TMEM145: variants seen among roughly 807,000 people sequenced by gnomAD.
The protein encoded by TMEM145 is transmembrane protein 145.
A neutral mutation model predicts 68.5 loss-of-function variants in TMEM145; 46 were observed. That is an observed-to-expected ratio of 0.67 (90% CI 0.53 to 0.86). The LOEUF (loss-of-function observed/expected upper bound fraction) is 0.86. TMEM145 is among the 40% of genes least tolerant of loss of function. TMEM145 has a pLI of 0.00. For missense variants in TMEM145, 570 were observed against 645.8 expected (o/e 0.88, Z 1.27); for synonymous variants, 255 against 280.2 (o/e 0.91, Z 0.90).
In TMEM145 at chr19:42,313,544, G is replaced by T; in HGVS notation, c.120+48G>T. The T allele has an allele frequency of 8.1e-7, 1 of 1,240,604 alleles. No individual in the cohort carries two copies. Among genetic ancestry groups the T allele is most frequent in the Non-Finnish European group, 1.0e-6 (1 of 983,574 alleles). 76.8% of individuals were successfully genotyped at this position (1,240,604 alleles called of 1,614,324 possible). On this transcript the variant is annotated intron_variant, in intron 1 of 14. Coordinates refer to ENST00000301204, the MANE Select transcript of TMEM145 (RefSeq NM_173633.3). This position sits in a 1 kb window ranked among gnomAD's most constrained non-coding sequence, Gnocchi z 5.1. ...TGCGGCCCGCCGGCCCCCGGGGGAC[G>T]CAAGGGAGGCGAGGGGAGCGGGTAC...
Position 42,315,086 on chromosome 19 carries a change from G to A in TMEM145, c.505+9G>A. 4 of 1,614,176 alleles carry A rather than the reference G, an allele frequency of 2.5e-6. No homozygotes were observed. The highest frequency in any genetic ancestry group is 2.2e-5 in the South Asian group (2 of 91,078). ...CTCCGCTGATGAGTTTGGTGAGCAC[G>A]TGGGGACCTAGAAACCAGGCTCTCT... is the stretch of plus-strand genomic sequence containing the variant. On this transcript the variant is annotated intron_variant, in intron 6 of 14. Transcript: ENST00000301204.
At chr19:42,321,026 C>T (rs2038906224) in intron 13 of TMEM145, 1 of 399,042 alleles carries the variant, frequency 2.5e-6, no homozygotes, top group Non-Finnish European at 4.4e-6. Context: ...CATTTCCATT[C>T]CTGACCCTGT....
At chr19:42,318,111 T>C (rs1449997087) in intron 12 of TMEM145, among the ~76,000 whole-genome samples, 2 of 152,188 alleles carry the variant, frequency 1.3e-5, no homozygotes, top group Non-Finnish European at 2.9e-5. Context: ...CTCACGCCTG[T>C]AATCCCAGCC....
Position 42,316,959 on chromosome 19 carries a change from C to A in TMEM145, c.896C>A (p.Ala299Glu). The A allele has an allele frequency of 6.2e-7, 1 of 1,613,232 alleles. No individual in the cohort carries two copies. Among genetic ancestry groups the A allele is most frequent in the South Asian group, 1.1e-5 (1 of 91,046 alleles). ...CATGTGGTGCTGCTCATCTACGAGG[C>A]GGAAGTGAGTCCGACTGGCCCCTGG... ...LTHVVLLIYEAEFFDPGQVLY... is the reference protein window; with the variant it reads ...LTHVVLLIYEEEFFDPGQVLY... Residue 299 changes from alanine (A) to glutamate (E), a missense_variant, in exon 11 of 15, where the codon GCG becomes GAG. Ala to Glu is a moderately radical substitution (Grantham distance 107). Transcript: ENST00000301204.
chr19:42,316,419 A>G, intron 8 of TMEM145, 62 bp from the exon 9 acceptor site: 1 of 1,499,438 alleles, frequency 6.7e-7, no homozygotes, highest in African/African-American at 1.4e-5. Flanking sequence ...TGGTAGTGCT[A>G]GAGAACAGTG....
At position 42,313,617 on chromosome 19, in the gene TMEM145, G is replaced by C; in HGVS notation, c.120+121G>C. The C allele has an allele frequency of 1.3e-6, 1 of 782,914 alleles. No homozygotes were observed. Among genetic ancestry groups the C allele is most frequent in the Non-Finnish European group, 1.7e-6 (1 of 575,598 alleles). The allele number at this position is 782,914 out of a possible 1,614,324, so 48.5% of individuals were successfully genotyped here. On this transcript the variant is annotated intron_variant, in intron 1 of 14. Coordinates refer to ENST00000301204, the MANE Select transcript of TMEM145 (RefSeq NM_173633.3). This position sits in a 1 kb window ranked among gnomAD's most constrained non-coding sequence, Gnocchi z 5.1. ...CCTGGCGGACTCCGGGAGCCTCGGGGGAGTGGGGCCGAGGGCGATGGGGGA... is the reference window on the plus strand; with the variant it reads ...CCTGGCGGACTCCGGGAGCCTCGGGCGAGTGGGGCCGAGGGCGATGGGGGA...
rs2038821212 is a variant in TMEM145 at position 42,313,371 on chromosome 19, G to A, written c.-6G>A. Reference sequence around the variant, plus strand: ...CCGGAGCGGAGCCGGGGCCGGAGCGGGCGGAATGGAGCCCCTGCGCGCGCC... The same window carrying A: ...CCGGAGCGGAGCCGGGGCCGGAGCGAGCGGAATGGAGCCCCTGCGCGCGCC... On this transcript the variant is annotated 5_prime_UTR_variant, in exon 1 of 15. Transcript: ENST00000301204. The surrounding 1 kb of genome is among the most constrained non-coding windows in gnomAD (Gnocchi z 5.1). 1 of 1,147,326 alleles carries A rather than the reference G, an allele frequency of 8.7e-7. No individual in the cohort carries two copies. Among genetic ancestry groups the A allele is most frequent in the Non-Finnish European group, 1.1e-6 (1 of 888,558 alleles). 71.1% of individuals were successfully genotyped at this position (1,147,326 alleles called of 1,614,324 possible).
In TMEM145 at chr19:42,315,438, A is replaced by C; in HGVS notation, c.644A>C (p.Glu215Ala). 1.2e-6 allele frequency: 2 copies of C among 1,614,016 alleles called. No individual in the cohort carries two copies. Among genetic ancestry groups the C allele is most frequent in the Non-Finnish European group, 1.7e-6 (2 of 1,179,996 alleles). Residue 215 changes from glutamate (E) to alanine (A), a missense_variant and splice_region_variant, in exon 8 of 15, where the codon GAG (glutamate) becomes GCG (alanine). Glu to Ala is a moderately radical substitution (Grantham distance 107). Transcript: ENST00000301204. ...YKMFMAAAGV[E>A]VLSLLFFCIY... The stretch of plus-strand genomic sequence containing the variant: ...ATGTTCATGGCCGCAGCAGGAGTAG[A>C]GGGTGAGGTTCCGTGTCCCAACTTT...
At chr19:42,323,952 G>A (rs2038939040) in intron 14 of TMEM145, among the ~76,000 whole-genome samples, 163 bp downstream of exon 14, 1 of 151,576 alleles carries the variant, frequency 6.6e-6, no homozygotes, top group Non-Finnish European at 1.5e-5. Context: ...CCGTCCCCTG[G>A]CGCCCGCGCC....
chr19:42,322,749 T>C (rs890961571), intron 13 of TMEM145, among the ~76,000 whole-genome samples: 10 of 151,932 alleles, frequency 6.6e-5, no homozygotes, highest in African/African-American at 2.4e-4. Context: ...GTCGTCCAGG[T>C]TGGAGTGCAG....
chr19:42,322,905 T>C (rs2038924698), intron 13 of TMEM145, among the ~76,000 whole-genome samples: 1 of 152,232 alleles, frequency 6.6e-6, no homozygotes, highest in Admixed American at 6.5e-5. Flanking sequence ...TTCACCATGT[T>C]GGCCATGCTG....
intron 12 of TMEM145, 125 bp downstream of exon 12, chr19:42,318,006 A>G: frequency 1.9e-6 from 2 of 1,051,462 alleles, no homozygotes; most frequent in Non-Finnish European, 2.8e-6. Context: ...GCTGTTGCCC[A>G]GAATCTGCCA....
chr19:42,324,823 C>T lies in TMEM145; in HGVS notation c.*6C>T. 6.4e-7 allele frequency: 1 copy of T among 1,558,210 alleles called. No individual in the cohort carries two copies. ...GCCCCCTTCGAGACCTCTGACCCCGCTGGACTCCGGAACACCCGTGGTGAC... is the reference window on the plus strand; with the variant it reads ...GCCCCCTTCGAGACCTCTGACCCCGTTGGACTCCGGAACACCCGTGGTGAC... On this transcript the variant is annotated 3_prime_UTR_variant, in exon 15 of 15. Transcript: ENST00000301204.
In TMEM145 at chr19:42,320,578, C is replaced by T. The variant is rs561656928; in HGVS notation, c.1194+141C>T. On this transcript the variant is annotated intron_variant, in intron 13 of 14. Transcript: ENST00000301204. ...TTAGTCATTCTCCCTTTATTGAGAG[C>T]CTGCTTGGTTCCTGCAGTCTCCTCT... The T allele has an allele frequency of 1.1e-5, 13 of 1,218,676 alleles. No individual in the cohort carries two copies. In the South Asian group the frequency reaches 1.4e-4, roughly 13 times the overall value. 75.5% of individuals were successfully genotyped at this position (1,218,676 alleles called of 1,614,324 possible).
chr19:42,317,649 C>G, intron 11 of TMEM145, 60 bp from the exon 12 acceptor site: 1 of 1,584,362 alleles, frequency 6.3e-7, no homozygotes. Context: ...GGGTGGGGTC[C>G]GGGGACCCTA....
intron 8 of TMEM145, among the ~76,000 whole-genome samples, chr19:42,315,954 C>T (rs977786199): frequency 2.0e-5 from 3 of 152,032 alleles, no homozygotes; most frequent in Non-Finnish European, 4.4e-5. Context: ...TGCTTGAACC[C>T]GGGAGGTGGA....
Position 42,313,615 on chromosome 19 carries a change from G to A in TMEM145, c.120+119G>A. 1.2e-6 allele frequency: 1 copy of A among 802,588 alleles called. No individual in the cohort carries two copies. The highest frequency in any genetic ancestry group is 1.7e-6 in the Non-Finnish European group (1 of 593,388). 49.7% of individuals were successfully genotyped at this position (802,588 alleles called of 1,614,324 possible). A position where few individuals can be genotyped will look rare whatever the true frequency, so the allele number is the denominator to read the frequency against. ...CTCCTGGCGGACTCCGGGAGCCTCG[G>A]GGGAGTGGGGCCGAGGGCGATGGGG... On this transcript the variant is annotated intron_variant, in intron 1 of 14. Coordinates refer to ENST00000301204, the MANE Select transcript of TMEM145 (RefSeq NM_173633.3). This position sits in a 1 kb window ranked among gnomAD's most constrained non-coding sequence, Gnocchi z 5.1.
rs2038826158 is a variant in TMEM145, at chr19:42,313,737, G to GGAGC, written c.120+243_120+246dup. Among the ~76,000 whole-genome samples the GGAGC allele has an allele frequency of 1.3e-5, 2 of 152,152 alleles. No individual in the cohort carries two copies. The highest frequency in any genetic ancestry group is 3.9e-4 in the East Asian group (2 of 5,180). ...TGAGGTCAGAGCTGAGCGGGGAGGGGGAGCGGGTTGGGAGAGTCAGAGTTT... is the reference window on the plus strand; with the variant it reads ...TGAGGTCAGAGCTGAGCGGGGAGGGGGAGCGAGCGGGTTGGGAGAGTCAGAGTTT... On this transcript the variant is annotated intron_variant, in intron 1 of 14. Coordinates refer to ENST00000301204, the MANE Select transcript of TMEM145 (RefSeq NM_173633.3). The surrounding 1 kb of genome is among the most constrained non-coding windows in gnomAD (Gnocchi z 5.1).
intron 13 of TMEM145, among the ~76,000 whole-genome samples, chr19:42,322,975 A>G (rs953992379): frequency 3.3e-5 from 5 of 152,232 alleles, no homozygotes; most frequent in African/African-American, 1.2e-4. Flanking sequence ...TGCTGGGATT[A>G]CAGGCGTGAG....
Sources: allele counts gnomAD v4.1 joint callset (sites outside exome capture counted in the v4.1 genomes callset), GRCh38; gene constraint gnomAD v4.1.1; non-coding constraint Gnocchi (gnomAD v3.1); transcripts MANE v1.5; gene names NCBI Gene and HGNC (gene_info 2026-07-23, HGNC 2026-07-21).